The following ARID1B variants were observed in gnomAD, a reference collection of about 807,000 sequenced individuals.
The protein encoded by ARID1B is AT-rich interactive domain-containing protein 1B.
ARID1B carries 30 observed loss-of-function variants against 212.3 expected under a neutral mutation model. The observed-to-expected ratio is 0.14, with a 90% CI of 0.11 to 0.19. The LOEUF (loss-of-function observed/expected upper bound fraction) is 0.19. Among genes scored for constraint, ARID1B ranks in the 10% least tolerant of loss-of-function variants. The pLI, the probability that ARID1B is intolerant of heterozygous loss-of-function variation, is 1.00. For synonymous variants in ARID1B, 1,402 were observed against 1,301.7 expected, an observed-to-expected ratio of 1.08 and a Z score of -1.66; for missense variants, 2,891 against 3,204.0, an observed-to-expected ratio of 0.90 and a Z score of 2.36.
At position 157,117,180 on chromosome 6, in the gene ARID1B, T is replaced by C. The variant is rs189164962; in HGVS notation, c.2581+6619T>C. On this transcript the variant is annotated intron_variant, in intron 6 of 19. Transcript: ENST00000636930. The stretch of plus-strand genomic sequence containing the variant: ...CATGATCAGGCATTTCAAGGTTCTT[T>C]TTGCGTACTACTACAAAAAGGTGAA... Among the ~76,000 whole-genome samples, 370 of 152,334 alleles carry C rather than the reference T, an allele frequency of 2.4e-3. 2 individuals carry two copies. The highest frequency in any genetic ancestry group is 8.6e-3 in the African/African-American group (356 of 41,568).
chr6:156,779,242 C>T lies in ARID1B; in HGVS notation c.1562C>T (p.Pro521Leu), dbSNP rs1778990449. Residue 521 changes from proline to leucine, a missense_variant, in exon 1 of 20, where the codon CCC becomes CTC. Physicochemically the swap from Pro to Leu is moderately conservative, Grantham distance 98. Around this residue, in one of 7 missense-constraint regions of ARID1B, gnomAD observed 1,643 missense variants for 1,544.0 expected, o/e 1.06. Coordinates refer to ENST00000636930, the MANE Select transcript of ARID1B (RefSeq NM_001374828.1). The part of the protein sequence containing the change: ...PMMRSYGGSY[P>L]EYSSPSAPPP... ...ATGCGGAGCTACGGCGGCAGCTACC[C>T]CGAGTACAGCAGCCCCAGCGCGCCG... 2 of 1,225,278 alleles carry T rather than the reference C, an allele frequency of 1.6e-6. No individual in the cohort carries two copies. Among genetic ancestry groups the T allele is most frequent in the Non-Finnish European group, 1.0e-6 (1 of 974,990 alleles). The allele number at this position is 1,225,278 out of a possible 1,614,324, so 75.9% of individuals were successfully genotyped here.
At chr6:156,920,496 C>A (rs1035099034) in intron 3 of ARID1B, among the ~76,000 whole-genome samples, 2 of 151,998 alleles carry the variant, frequency 1.3e-5, no homozygotes, top group African/African-American at 2.4e-5. Context: ...ACATAAAGTT[C>A]TTTCTTCATC....
chr6:157,012,670 G>A (rs770663727), intron 4 of ARID1B, among the ~76,000 whole-genome samples: 1 of 152,162 alleles, frequency 6.6e-6, no homozygotes, highest in Non-Finnish European at 1.5e-5. Context: ...ATAATTGTAC[G>A]TGACCTTAGA....
intron 1 of ARID1B, among the ~76,000 whole-genome samples, chr6:156,822,788 T>C (rs968509612): frequency 1.3e-5 from 2 of 152,300 alleles, no homozygotes; most frequent in Admixed American, 6.5e-5. Context: ...GGGGAACCTC[T>C]GTGGTGAGGT....
chr6:156,872,944 C>T (rs565049724), intron 2 of ARID1B, among the ~76,000 whole-genome samples: 1 of 152,304 alleles, frequency 6.6e-6, no homozygotes, highest in African/African-American at 2.4e-5. Flanking sequence ...ACACTCCCCT[C>T]CTGCTCTGAG....
chr6:157,078,191 C>T (rs888373606), intron 4 of ARID1B, among the ~76,000 whole-genome samples: 5 of 152,044 alleles, frequency 3.3e-5, no homozygotes, highest in African/African-American at 1.2e-4. Flanking sequence ...TATTTTCTCA[C>T]GTAAGAAAAT....
intron 4 of ARID1B, among the ~76,000 whole-genome samples, chr6:157,007,064 T>A (rs766389173): frequency 3.3e-5 from 5 of 152,184 alleles, no homozygotes; most frequent in Non-Finnish European, 5.9e-5. Flanking sequence ...ATCCAAAATG[T>A]TGGGGACATG....
intron 1 of ARID1B, among the ~76,000 whole-genome samples, chr6:156,791,607 A>G (rs1003392553): frequency 6.6e-6 from 1 of 152,224 alleles, no homozygotes; most frequent in Non-Finnish European, 1.5e-5. Flanking sequence ...TGGGAATTTG[A>G]CGGCCATTCA....
intron 4 of ARID1B, among the ~76,000 whole-genome samples, chr6:157,041,845 A>G (rs1781897553): frequency 6.6e-6 from 1 of 152,022 alleles, no homozygotes; most frequent in Non-Finnish European, 1.5e-5. Context: ...AGCCACCATC[A>G]CCACTGCCCC....
chr6:156,837,887 T>C (rs1450996292), intron 2 of ARID1B, among the ~76,000 whole-genome samples: 2 of 152,176 alleles, frequency 1.3e-5, no homozygotes, highest in Non-Finnish European at 2.9e-5. Context: ...TTAGAAATGT[T>C]TGGGACGTCC....
At chr6:157,039,690 CTTCCTTCTTTCTTTCCTTTCT>C (rs1781656888) in intron 4 of ARID1B, among the ~76,000 whole-genome samples, 1 of 68,720 alleles carries the variant, frequency 1.5e-5, no homozygotes, top group African/African-American at 4.8e-5. Context: ...TCCTTCCTTC[CTTCCTTCTTTCTTTCCTTTCT>C]TTCCTTCCTT....
rs1164805779 is a variant in ARID1B at position 156,945,233 on chromosome 6, C to CTTTTTTTTTTT, written c.2247+9682_2247+9692dup. 8.0e-4 allele frequency among the ~76,000 whole-genome samples: 26 copies of CTTTTTTTTTTT among 32,664 alleles called. 4 individuals are homozygous for CTTTTTTTTTTT. Among genetic ancestry groups the CTTTTTTTTTTT allele is most frequent in the East Asian group, 2.7e-3 (3 of 1,104 alleles). The allele number at this position is 32,664 out of a possible 152,430, so 21.4% of individuals were successfully genotyped here. A position where few individuals can be genotyped will look rare whatever the true frequency, so the allele number is the denominator to read the frequency against. Reference sequence around the variant, plus strand: ...GACCGGTGTGAGCCCCCGCATCCGGCTTTTTTTTTTTTTTTTTTTTTTTTT... The same window carrying CTTTTTTTTTTT: ...GACCGGTGTGAGCCCCCGCATCCGGCTTTTTTTTTTTTTTTTTTTTTTTTTTTTTTTTTTTT... On this transcript the variant is annotated intron_variant, in intron 4 of 19. Transcript: ENST00000636930.
intron 4 of ARID1B, 146 bp from the exon 5 acceptor site, chr6:157,084,516 T>C: frequency 5.1e-6 from 5 of 989,842 alleles, no homozygotes; most frequent in Non-Finnish European, 7.3e-6. Flanking sequence ...TAAAATCTAA[T>C]AAAAAGTGGC....
In ARID1B at chr6:157,184,446, G is replaced by A. The variant is rs2128326181; in HGVS notation, c.3919+11G>A. 6.2e-7 allele frequency: 1 copy of A among 1,613,834 alleles called. No homozygotes were observed. On this transcript the variant is annotated intron_variant, in intron 13 of 19. Transcript: ENST00000636930. ...AGCCGCCATCTCCTGGTAAGTGGCG[G>A]CGCTGCAGTCACTGGCCCAGGAAAG...
chr6:157,067,281 G>A (rs1368599540), intron 4 of ARID1B, among the ~76,000 whole-genome samples: 1 of 152,214 alleles, frequency 6.6e-6, no homozygotes. Context: ...CAAAGCCCAT[G>A]CTCCTAACCA....
At position 157,047,180 on chromosome 6, in the gene ARID1B, C is replaced by T. The variant is rs779436907; in HGVS notation, c.2248-37482C>T. ...TTAGATCAGCTTTCAATAGTGAAAA[C>T]GGTATTTTTCTTTAAAAGTAGTTTA... On this transcript the variant is annotated intron_variant, in intron 4 of 19. Coordinates refer to ENST00000636930, the MANE Select transcript of ARID1B (RefSeq NM_001374828.1). Among the ~76,000 whole-genome samples, 34 of 152,132 alleles carry T rather than the reference C, an allele frequency of 2.2e-4. No homozygotes were observed. The Middle Eastern group carries it at 0.017, about 76-fold the overall frequency.
rs1791989418 is a variant in ARID1B, at chr6:157,174,831, T to TA, written c.3346-15dup. 1.4e-6 allele frequency: 2 copies of TA among 1,472,098 alleles called. No homozygotes were observed. Among genetic ancestry groups the TA allele is most frequent in the Non-Finnish European group, 1.8e-6 (2 of 1,110,314 alleles). The allele number at this position is 1,472,098 out of a possible 1,614,324, so 91.2% of individuals were successfully genotyped here. ...CTACCTTTGTCATTTTTTTTTTTTT[T>TA]ATTCCTCTACCACAGGATAGCTACA... is the stretch of plus-strand genomic sequence containing the variant. On this transcript the variant is annotated splice_polypyrimidine_tract_variant and intron_variant, in intron 10 of 19. Coordinates refer to ENST00000636930, the MANE Select transcript of ARID1B (RefSeq NM_001374828.1).
At chr6:156,998,294 C>T (rs1211921397) in intron 4 of ARID1B, among the ~76,000 whole-genome samples, 2 of 151,122 alleles carry the variant, frequency 1.3e-5, no homozygotes, top group Admixed American at 6.6e-5. Flanking sequence ...GATCTTGGCT[C>T]ACTGCAACCT....
chr6:156,970,542 G>A (rs1430032327), intron 4 of ARID1B, among the ~76,000 whole-genome samples: 1 of 152,042 alleles, frequency 6.6e-6, no homozygotes, highest in Non-Finnish European at 1.5e-5. Context: ...GCAAATTTTG[G>A]AACATTAAAA....
Sources: allele counts gnomAD v4.1 joint callset (sites outside exome capture counted in the v4.1 genomes callset), GRCh38; gene constraint gnomAD v4.1.1; regional missense constraint gnomAD v4.1.1; transcripts MANE v1.5; gene names NCBI Gene and HGNC (gene_info 2026-07-23, HGNC 2026-07-21).